CCDC148: variants seen among roughly 807,000 people sequenced by gnomAD.
CCDC148 encodes the protein coiled-coil domain-containing protein 148.
A neutral mutation model predicts 85.7 loss-of-function variants in CCDC148; 89 were observed. That is an observed-to-expected ratio of 1.04 (90% CI 0.87 to 1.24). The LOEUF (loss-of-function observed/expected upper bound fraction) is 1.24, where lower values mean the gene tolerates loss of function less well. Ranked by LOEUF, CCDC148 falls within the 50% of genes most tolerant of loss-of-function variation. The pLI, the probability that CCDC148 is intolerant of heterozygous loss-of-function variation, is 0.00. For missense variants in CCDC148, 692 were observed against 671.7 expected (o/e 1.03, Z -0.33); for synonymous variants, 230 against 213.9 (o/e 1.08, Z -0.66).
chr2:158,345,700 C>T (rs767387035), intron 2 of CCDC148, among the ~76,000 whole-genome samples: 2 of 152,080 alleles, frequency 1.3e-5, no homozygotes, highest in Non-Finnish European at 2.9e-5. Flanking sequence ...TCTTTATTCA[C>T]ATTTTTGGAG....
intron 12 of CCDC148, among the ~76,000 whole-genome samples, chr2:158,178,587 G>C (rs1684709459): frequency 6.6e-6 from 1 of 152,092 alleles, no homozygotes; most frequent in African/African-American, 2.4e-5. Context: ...GAGCCTCACT[G>C]TTGTAAATGG....
intron 1 of CCDC148, among the ~76,000 whole-genome samples, chr2:158,422,096 A>T (rs1021391377): frequency 2.6e-5 from 4 of 152,214 alleles, no homozygotes; most frequent in Admixed American, 2.0e-4. Flanking sequence ...GGCAATAATT[A>T]ATAGCCTACC....
In CCDC148 at chr2:158,237,186, G is replaced by T. The variant is rs546708436; in HGVS notation, c.1251+13586C>A. ...TTGGGCTGGAGCTCAACGATGGGAAGAGGAGTAGGATATGAGATTTAAGAA... is the reference window on the plus strand; with the variant it reads ...TTGGGCTGGAGCTCAACGATGGGAATAGGAGTAGGATATGAGATTTAAGAA... On this transcript the variant is annotated intron_variant, in intron 10 of 13. Coordinates refer to ENST00000283233, the MANE Select transcript of CCDC148 (RefSeq NM_138803.4). Among the ~76,000 whole-genome samples, 16 of 152,270 alleles carry T rather than the reference G, an allele frequency of 1.1e-4. No homozygotes were observed. In the East Asian group the frequency reaches 3.1e-3, roughly 29 times the overall value.
chr2:158,243,444 C>A lies in CCDC148; in HGVS notation c.1251+7328G>T, dbSNP rs1004979037. Among the ~76,000 whole-genome samples, 13 of 152,236 alleles carry A rather than the reference C, an allele frequency of 8.5e-5. No homozygotes were observed. In the East Asian group the frequency reaches 2.5e-3, roughly 29 times the overall value. On this transcript the variant is annotated intron_variant, in intron 10 of 13. Coordinates refer to ENST00000283233, the MANE Select transcript of CCDC148 (RefSeq NM_138803.4). ...GTTTCTAATAAAATTTTCCCAAGAA[C>A]CCAGCAGGACCTCTGTGGATTTTTT...
At chr2:158,347,232 AAATT>A (rs1176892765) in intron 2 of CCDC148, among the ~76,000 whole-genome samples, 1 of 152,184 alleles carries the variant, frequency 6.6e-6, no homozygotes. Context: ...TTGTACAAAA[AAATT>A]AAAATACATT....
chr2:158,405,752 T>C (rs958748467), intron 1 of CCDC148, among the ~76,000 whole-genome samples: 6 of 152,194 alleles, frequency 3.9e-5, no homozygotes, highest in African/African-American at 1.4e-4. Context: ...ATGTTTCATA[T>C]TTTGTTAGAG....
intron 11 of CCDC148, among the ~76,000 whole-genome samples, chr2:158,181,186 G>C (rs1156291724): frequency 6.6e-6 from 1 of 152,122 alleles, no homozygotes; most frequent in African/African-American, 2.4e-5. Flanking sequence ...GGATATATAG[G>C]TTGCTTTGTC....
chr2:158,432,827 A>C (rs1247713007), intron 1 of CCDC148, among the ~76,000 whole-genome samples: 3 of 151,858 alleles, frequency 2.0e-5, no homozygotes, highest in Non-Finnish European at 4.4e-5. Context: ...TAATCCCAGC[A>C]CTTTGGGAGG....
chr2:158,328,255 C>T (rs998040207), intron 7 of CCDC148, among the ~76,000 whole-genome samples: 3 of 152,088 alleles, frequency 2.0e-5, no homozygotes, highest in South Asian at 2.1e-4. Flanking sequence ...TGACTGAGAA[C>T]ATGCTGTGTT....
intron 1 of CCDC148, among the ~76,000 whole-genome samples, chr2:158,450,153 T>C (rs998573893): frequency 6.6e-6 from 1 of 152,204 alleles, no homozygotes. Flanking sequence ...GGGCCAGGCA[T>C]CACGGCTGAA....
chr2:158,255,201 A>G (rs1465151071), intron 9 of CCDC148, among the ~76,000 whole-genome samples: 4 of 151,628 alleles, frequency 2.6e-5, no homozygotes, highest in African/African-American at 9.7e-5. Context: ...AATTGCTTCT[A>G]CTTAATATTG....
At chr2:158,362,004 A>AG (rs1273210540) in intron 1 of CCDC148, among the ~76,000 whole-genome samples, 1 of 151,692 alleles carries the variant, frequency 6.6e-6, no homozygotes, top group Admixed American at 6.6e-5. Flanking sequence ...GCCAAAAAAA[A>AG]AAAAAAAAAC....
At chr2:158,274,326 A>G (rs1035768314) in intron 9 of CCDC148, among the ~76,000 whole-genome samples, 1 of 151,880 alleles carries the variant, frequency 6.6e-6, no homozygotes, top group Non-Finnish European at 1.5e-5. Context: ...TATGTCCCTG[A>G]ATTTTTCCAT....
intron 10 of CCDC148, among the ~76,000 whole-genome samples, chr2:158,236,894 T>C (rs985769969): frequency 1.3e-5 from 2 of 151,956 alleles, no homozygotes; most frequent in Admixed American, 6.6e-5. Flanking sequence ...ATTCTAGAAG[T>C]GGGAGTGAAG....
chr2:158,238,038 T>C (rs1688187167), intron 10 of CCDC148, among the ~76,000 whole-genome samples: 2 of 151,596 alleles, frequency 1.3e-5, no homozygotes, highest in African/African-American at 2.4e-5. Flanking sequence ...AAGTGCGACA[T>C]TGCTGGAGCG....
intron 13 of CCDC148, 60 bp from the exon 14 acceptor site, chr2:158,172,319 T>C: frequency 7.6e-7 from 1 of 1,308,310 alleles, no homozygotes; most frequent in Non-Finnish European, 1.1e-6. Flanking sequence ...ACTTTTAACA[T>C]TTAGTTCCAT....
intron 4 of CCDC148, 84 bp from the exon 5 acceptor site, chr2:158,340,477 T>G (rs76314944): frequency 2.7e-6 from 4 of 1,506,176 alleles, no homozygotes; most frequent in Non-Finnish European, 3.6e-6. Context: ...ACAGATTTAT[T>G]TGGGGATTTC....
At chr2:158,277,324 C>T (rs1213889495) in intron 9 of CCDC148, among the ~76,000 whole-genome samples, 1 of 152,176 alleles carries the variant, frequency 6.6e-6, no homozygotes, top group African/African-American at 2.4e-5. Context: ...ATTTGGCCTA[C>T]ATTTCCTTGA....
chr2:158,415,363 C>A (rs143826093), intron 1 of CCDC148, among the ~76,000 whole-genome samples: 7 of 152,026 alleles, frequency 4.6e-5, no homozygotes, highest in African/African-American at 1.7e-4. Context: ...GAAGTGCACC[C>A]CCTTGATCCA....
Sources: gnomAD v4.1 joint callset for allele counts (sites outside exome capture counted in the v4.1 genomes callset) on GRCh38, gnomAD v4.1.1 for gene constraint, MANE v1.5 for transcripts, NCBI Gene and HGNC (gene_info 2026-07-23, HGNC 2026-07-21) for gene names.